Variants in GPHN observed in about 807,000 individuals in gnomAD.
The protein encoded by GPHN is gephyrin.
GPHN carries 17 observed loss-of-function variants against 95.5 expected under a neutral mutation model. The ratio of observed to expected loss-of-function variants is 0.18; its 90% CI spans 0.12 to 0.27. GPHN has a LOEUF of 0.27. Ranked by LOEUF, GPHN falls within the 10% of genes least tolerant of loss-of-function variation. GPHN has a pLI of 1.00. For missense variants in GPHN, 660 were observed against 978.1 expected, an observed-to-expected ratio of 0.67 and a Z score of 4.34; for synonymous variants, 320 against 322.5, an observed-to-expected ratio of 0.99 and a Z score of 0.08.
intron 4 of GPHN, among the ~76,000 whole-genome samples, chr14:66,832,224 A>T (rs2061606488): frequency 6.6e-6 from 1 of 152,202 alleles, no homozygotes; most frequent in Non-Finnish European, 1.5e-5. Context: ...AGAAACTGTG[A>T]CACAGATTGA....
At chr14:67,459,595 T>C in the GPHN span, among the ~76,000 whole-genome samples, 1 of 152,232 alleles carries the variant, frequency 6.6e-6, no homozygotes, top group African/African-American at 2.4e-5. Flanking sequence ...TCTTACTGGC[T>C]GGACGCAAAC....
At chr14:67,178,274 A>G (rs2083124506) in intron 21 of GPHN, among the ~76,000 whole-genome samples, 1 of 152,186 alleles carries the variant, frequency 6.6e-6, no homozygotes. Context: ...CAAGGCTCCC[A>G]GCATTTGCTT....
At chr14:66,605,527 ATTTTTTT>A (rs59245552) in intron 1 of GPHN, among the ~76,000 whole-genome samples, 3 of 116,426 alleles carry the variant, frequency 2.6e-5, no homozygotes, top group African/African-American at 1.0e-4. Flanking sequence ...TCCTTTGCCG[ATTTTTTT>A]TTTTTTTTTT....
At chr14:66,932,452 T>TTTTTTTG in intron 8 of GPHN, among the ~76,000 whole-genome samples, 4 of 115,706 alleles carry the variant, frequency 3.5e-5, no homozygotes, top group Non-Finnish European at 5.5e-5. Context: ...AGGTTTTTTT[T>TTTTTTTG]TTTTTTTTTT....
At chr14:67,184,059 A>G (rs536582448), downstream of GPHN, among the ~76,000 whole-genome samples, 1 of 152,078 alleles carries the variant, frequency 6.6e-6, no homozygotes, top group East Asian at 1.9e-4. Context: ...ACCTGGGCTC[A>G]AGTGATCCGC....
intron 2 of GPHN, among the ~76,000 whole-genome samples, chr14:66,701,053 A>G (rs1208956618): frequency 1.3e-5 from 2 of 152,198 alleles, no homozygotes; most frequent in African/African-American, 2.4e-5. Context: ...CCTGCCATCC[A>G]GTTTTCCTTC....
rs182636429 is a variant in GPHN, at chr14:66,608,902, A to G, written c.65-72205A>G. Among the ~76,000 whole-genome samples, 29 of 152,248 alleles carry G rather than the reference A, an allele frequency of 1.9e-4. No individual in the cohort carries two copies. In the East Asian group the frequency reaches 5.4e-3, roughly 28 times the overall value. On this transcript the variant is annotated intron_variant, in intron 1 of 22. Coordinates refer to ENST00000478722, the MANE Select transcript of GPHN (RefSeq NM_020806.5). The stretch of plus-strand genomic sequence containing the variant: ...TTACATGTGAGATGCATCTTCTTGA[A>G]GACAGCAGACAGTTGGATCTTGTCT...
intron 2 of GPHN, among the ~76,000 whole-genome samples, chr14:66,752,043 C>T (rs2058385455): frequency 6.6e-6 from 1 of 152,088 alleles, no homozygotes; most frequent in Non-Finnish European, 1.5e-5. Context: ...ACAGATATAG[C>T]TTCTTAAACC....
intron 9 of GPHN, chr14:66,985,732 C>G: frequency 6.6e-7 from 1 of 1,523,416 alleles, no homozygotes; most frequent in African/African-American, 1.4e-5. Context: ...GAGTTGGATC[C>G]CTCAAAGTAA....
the GPHN span, among the ~76,000 whole-genome samples, chr14:67,416,032 A>C: frequency 6.6e-6 from 1 of 152,298 alleles, no homozygotes; most frequent in East Asian, 1.9e-4. Context: ...TGTTGGGCTT[A>C]ATACCTAGGT....
chr14:67,433,888 T>A, the GPHN span, among the ~76,000 whole-genome samples: 1 of 152,248 alleles, frequency 6.6e-6, no homozygotes, highest in Non-Finnish European at 1.5e-5. Flanking sequence ...AAAGCAAATG[T>A]GTTTCCACTG....
rs765802171 is a variant in GPHN at position 66,508,489 on chromosome 14, C to G, written c.-39C>G. ...GCCCGCGCGCTCCGGGCTCCGGTTT[C>G]TCCCGGCTCCTGTCAGTGCGGTGAC... On this transcript the variant is annotated 5_prime_UTR_variant, in exon 1 of 23. Transcript: ENST00000478722. 6.2e-7 allele frequency: 1 copy of G among 1,604,656 alleles called. No individual in the cohort carries two copies. Among genetic ancestry groups the G allele is most frequent in the African/African-American group, 1.3e-5 (1 of 74,764 alleles).
At chr14:67,286,331 T>C in the GPHN span, among the ~76,000 whole-genome samples, 1 of 152,182 alleles carries the variant, frequency 6.6e-6, no homozygotes, top group African/African-American at 2.4e-5. Flanking sequence ...CTGTATGGGA[T>C]TGGGGAAGGG....
intron 3 of GPHN, among the ~76,000 whole-genome samples, chr14:66,794,629 G>T (rs542032342): frequency 6.6e-6 from 1 of 152,168 alleles, no homozygotes; most frequent in Admixed American, 6.5e-5. Context: ...TACAGTTAAT[G>T]TAGAAAAAAC....
chr14:66,621,112 C>T (rs1441885279), intron 1 of GPHN, among the ~76,000 whole-genome samples: 1 of 151,248 alleles, frequency 6.6e-6, no homozygotes, highest in Middle Eastern at 3.4e-3. Flanking sequence ...CTACAAGCAT[C>T]CACCACCAAG....
chr14:66,867,812 C>T (rs1435490341), intron 4 of GPHN, among the ~76,000 whole-genome samples: 2 of 152,102 alleles, frequency 1.3e-5, no homozygotes, highest in Non-Finnish European at 2.9e-5. Flanking sequence ...AAAGATAAGA[C>T]CAAATGGTAC....
At chr14:67,069,555 T>G (rs917697967) in intron 11 of GPHN, among the ~76,000 whole-genome samples, 5 of 152,214 alleles carry the variant, frequency 3.3e-5, no homozygotes, top group Admixed American at 2.0e-4. Context: ...ACAGCAAAAC[T>G]TAAAGGTTCC....
At chr14:67,252,090 T>C in the GPHN span, among the ~76,000 whole-genome samples, 1 of 152,244 alleles carries the variant, frequency 6.6e-6, no homozygotes, top group Non-Finnish European at 1.5e-5. Flanking sequence ...CTCTTCCATT[T>C]GGCTATTCCT....
At chr14:67,077,246 T>G (rs2076529255) in intron 11 of GPHN, among the ~76,000 whole-genome samples, 1 of 152,158 alleles carries the variant, frequency 6.6e-6, no homozygotes, top group Admixed American at 6.6e-5. Context: ...TCTGTTGATA[T>G]GTAGTACCTG....
Sources: gnomAD v4.1 joint callset for allele counts (sites outside exome capture counted in the v4.1 genomes callset) on GRCh38, gnomAD v4.1.1 for gene constraint, MANE v1.5 for transcripts, NCBI Gene and HGNC (gene_info 2026-07-23, HGNC 2026-07-21) for gene names.